Variants in SLAMF6 observed in about 807,000 individuals in gnomAD.
SLAMF6 encodes SLAM family member 6, also known as NK-T-B-antigen.
SLAMF6 carries 21 observed loss-of-function variants against 38.3 expected under a neutral mutation model. The ratio of observed to expected loss-of-function variants is 0.55; its 90% CI spans 0.39 to 0.79. The LOEUF (loss-of-function observed/expected upper bound fraction) is 0.79. SLAMF6 is among the 30% of genes least tolerant of loss of function. The pLI is 0.00. For synonymous variants in SLAMF6, 152 were observed against 146.3 expected (o/e 1.04, Z -0.28); for missense variants, 341 against 385.3 (o/e 0.89, Z 0.96).
At chr1:160,511,754 T>A (rs1302991631) in intron 1 of SLAMF6, among the ~76,000 whole-genome samples, 1 of 152,038 alleles carries the variant, frequency 6.6e-6, no homozygotes, top group Non-Finnish European at 1.5e-5. Flanking sequence ...GGTTGGAGGA[T>A]CCCACTGAGA....
intron 5 of SLAMF6, among the ~76,000 whole-genome samples, chr1:160,489,389 G>A (rs1288159715): frequency 6.6e-6 from 1 of 152,158 alleles, no homozygotes; most frequent in Non-Finnish European, 1.5e-5. Flanking sequence ...GTAGAAGGTG[G>A]TGTTGAGGTC....
chr1:160,491,156 G>C lies in SLAMF6; in HGVS notation c.615C>G (p.Ser205=), dbSNP rs769663657. ...CIAENAVSNL[S]FSVSAQKLCE... ...AAAGCTTCTGGGCAGAGACAGAGAAGGATAAATTACTGACAGCATTCTCTG... is the reference window on the plus strand; with the variant it reads ...AAAGCTTCTGGGCAGAGACAGAGAACGATAAATTACTGACAGCATTCTCTG... The change falls in exon 3 of 8, where the codon TCC becomes TCG. Residue 205 remains serine, a synonymous_variant. Transcript: ENST00000368057. 14 of 1,613,862 alleles carry C rather than the reference G, an allele frequency of 8.7e-6. No individual in the cohort carries two copies. The Admixed American group carries it at 2.2e-4, about 25-fold the overall frequency.
At chr1:160,509,608 C>A (rs1236187158) in intron 1 of SLAMF6, among the ~76,000 whole-genome samples, 2 of 151,978 alleles carry the variant, frequency 1.3e-5, no homozygotes, top group Non-Finnish European at 2.9e-5. Context: ...ACCTATGTAA[C>A]AAACTTGCAC....
Position 160,485,516 on chromosome 1 carries a change from AAAG to A in SLAMF6, c.*1188_*1190del, listed in dbSNP as rs1298744501. 4 of 152,270 alleles carry A rather than the reference AAAG, an allele frequency of 2.6e-5. No individual in the cohort carries two copies. The highest frequency in any genetic ancestry group is 4.8e-5 in the African/African-American group (2 of 41,462). 9.4% of individuals were successfully genotyped at this position (152,270 alleles called of 1,614,324 possible). A position where few individuals can be genotyped will look rare whatever the true frequency, so the allele number is the denominator to read the frequency against. On this transcript the variant is annotated 3_prime_UTR_variant, in exon 8 of 8. Transcript: ENST00000368057. ...AACTTTTCCTTTAATAGAGGAGCTG[AAAG>A]AAGATCAGGGAGGCTACATAGAGAG...
intron 1 of SLAMF6, among the ~76,000 whole-genome samples, chr1:160,497,808 A>G (rs895291057): frequency 2.6e-5 from 4 of 152,120 alleles, no homozygotes; most frequent in Admixed American, 2.0e-4. Flanking sequence ...AAAAGACATG[A>G]TTTAATTCTT....
rs1313916995 is a variant in SLAMF6 at position 160,486,756 on chromosome 1, T to C, written c.952-2A>G. The C allele has an allele frequency of 1.2e-6, 2 of 1,613,858 alleles. No individual in the cohort carries two copies. On this transcript the variant is annotated splice_acceptor_variant, in intron 7 of 7. Transcript: ENST00000368057. LOFTEE classifies it high-confidence loss of function. ...TGCCCTGGAAAAAGTGGGTTTACTCTGTGGGAAAAAGAGGAAGATGAGGTA... is the reference window on the plus strand; with the variant it reads ...TGCCCTGGAAAAAGTGGGTTTACTCCGTGGGAAAAAGAGGAAGATGAGGTA...
intron 5 of SLAMF6, 49 bp downstream of exon 5, chr1:160,490,149 G>T (rs1312348425): frequency 6.9e-6 from 11 of 1,593,752 alleles, no homozygotes; most frequent in Non-Finnish European, 9.5e-6. Flanking sequence ...CTTCCATTTG[G>T]CTCTTCCCAT....
chr1:160,508,278 C>T (rs1482915549), intron 1 of SLAMF6, among the ~76,000 whole-genome samples: 2 of 152,134 alleles, frequency 1.3e-5, no homozygotes, highest in Non-Finnish European at 2.9e-5. Context: ...GCTACAGTAA[C>T]CAAAACAGCA....
chr1:160,504,301 G>A (rs565727181), intron 1 of SLAMF6, among the ~76,000 whole-genome samples: 1 of 152,216 alleles, frequency 6.6e-6, no homozygotes, highest in Non-Finnish European at 1.5e-5. Context: ...GGGTAACAGT[G>A]CAAGATAATG....
chr1:160,514,925 C>T (rs139633037), intron 1 of SLAMF6, among the ~76,000 whole-genome samples: 2 of 152,080 alleles, frequency 1.3e-5, no homozygotes, highest in South Asian at 2.1e-4. Flanking sequence ...AATTGAAATG[C>T]TAACATTAAA....
chr1:160,498,416 C>A (rs1571293282), intron 1 of SLAMF6, among the ~76,000 whole-genome samples: 1 of 152,108 alleles, frequency 6.6e-6, no homozygotes, highest in Non-Finnish European at 1.5e-5. Context: ...CTCACAGTTC[C>A]CCATGGCTGG....
At position 160,501,265 on chromosome 1, in the gene SLAMF6, A is replaced by G. The variant is rs143631928; in HGVS notation, c.50-4872T>C. ...ATACTGTCAGTCCTCTGGGTCCATC[A>G]TCTGATAGAGGAGCCTGACAGGTAA... On this transcript the variant is annotated intron_variant, in intron 1 of 7. Coordinates refer to ENST00000368057, the MANE Select transcript of SLAMF6 (RefSeq NM_001184714.2). Among the ~76,000 whole-genome samples, 5 of 152,296 alleles carry G rather than the reference A, an allele frequency of 3.3e-5. No homozygotes were observed. In the East Asian group the frequency reaches 9.6e-4, roughly 29 times the overall value.
At chr1:160,489,514 C>T (rs1299887160) in intron 5 of SLAMF6, among the ~76,000 whole-genome samples, 1 of 152,098 alleles carries the variant, frequency 6.6e-6, no homozygotes, top group Non-Finnish European at 1.5e-5. Flanking sequence ...CATAATGGAG[C>T]CAGTTATTTC....
intron 1 of SLAMF6, among the ~76,000 whole-genome samples, chr1:160,516,635 G>A (rs528347235): frequency 9.9e-5 from 15 of 152,044 alleles, no homozygotes; most frequent in East Asian, 3.9e-4. Flanking sequence ...AAAACAGCAC[G>A]GTACATGGTA....
In SLAMF6 at chr1:160,496,338, C is replaced by A; in HGVS notation, c.105G>T (p.Gly35=). The A allele has an allele frequency of 6.2e-7, 1 of 1,613,932 alleles. No individual in the cohort carries two copies. Among genetic ancestry groups the A allele is most frequent in the Non-Finnish European group, 8.5e-7 (1 of 1,179,896 alleles). The change falls in exon 2 of 8, where the codon GGG becomes GGT. Residue 35 remains glycine (G), a synonymous_variant. Coordinates refer to ENST00000368057, the MANE Select transcript of SLAMF6 (RefSeq NM_001184714.2). ...LTPLMVNGIL[G]ESVTLPLEFP... The stretch of plus-strand genomic sequence containing the variant: ...ACTCCAGGGGAAGAGTTACTGACTC[C>A]CCCAGAATCCCGTTCACCATCAATG...
At position 160,487,167 on chromosome 1, in the gene SLAMF6, T is replaced by G. The variant is rs750231610; in HGVS notation, c.888A>C (p.Glu296Asp). The G allele has an allele frequency of 6.2e-7, 1 of 1,613,124 alleles. No individual in the cohort carries two copies. The highest frequency in any genetic ancestry group is 1.3e-5 in the African/African-American group (1 of 74,950). The change falls in exon 7 of 8, where the codon GAA (glutamate) becomes GAC (aspartate). Residue 296 changes from glutamate (E) to aspartate (D), a missense_variant. Glu to Asp is a conservative substitution (Grantham distance 45). Coordinates refer to ENST00000368057, the MANE Select transcript of SLAMF6 (RefSeq NM_001184714.2). ...TATCATTTTCTCTAGGTGTCCAGAT[T>G]TCTGTTTCCTGTAAAAAGAATCATA... ...ASVTHSNRET[E>D]IWTPRENDTI...
Position 160,486,585 on chromosome 1 carries a change from C to T in SLAMF6, c.*122G>A. The T allele has an allele frequency of 3.0e-6, 3 of 1,009,518 alleles. No individual in the cohort carries two copies. The highest frequency in any genetic ancestry group is 2.8e-5 in the South Asian group (2 of 71,856). The allele number at this position is 1,009,518 out of a possible 1,614,324, so 62.5% of individuals were successfully genotyped here. The stretch of plus-strand genomic sequence containing the variant: ...GTCCGAAGGACTGGAGGTGATCATC[C>T]TATCCTAGATATTCAAATTCTGTTG... On this transcript the variant is annotated 3_prime_UTR_variant, in exon 8 of 8. Transcript: ENST00000368057.
intron 5 of SLAMF6, among the ~76,000 whole-genome samples, chr1:160,489,565 C>T (rs1318043668): frequency 2.0e-5 from 3 of 152,098 alleles, no homozygotes; most frequent in East Asian, 1.9e-4. Context: ...GTCTCTACAG[C>T]GGATTTGATT....
chr1:160,521,817 T>C (rs1309964737), intron 1 of SLAMF6, among the ~76,000 whole-genome samples: 1 of 152,178 alleles, frequency 6.6e-6, no homozygotes, highest in Non-Finnish European at 1.5e-5. Flanking sequence ...TTTCTTTGGC[T>C]ATCCTGTCTG....
Sources: gnomAD v4.1 joint callset for allele counts (sites outside exome capture counted in the v4.1 genomes callset) on GRCh38, gnomAD v4.1.1 for gene constraint, MANE v1.5 for transcripts, NCBI Gene and HGNC (gene_info 2026-07-23, HGNC 2026-07-21) for gene names.